DNAJC1: variants seen among roughly 807,000 people sequenced by gnomAD.
DNAJC1 encodes the protein dnaJ homolog subfamily C member 1.
A neutral mutation model predicts 76.6 loss-of-function variants in DNAJC1; 58 were observed. The ratio of observed to expected loss-of-function variants is 0.76; its 90% confidence interval spans 0.61 to 0.94. The LOEUF is 0.94. Ranked by LOEUF, DNAJC1 falls within the 40% of genes least tolerant of loss-of-function variation. The pLI is 0.00. For missense variants in DNAJC1, 689 were observed against 677.3 expected (o/e 1.02, Z -0.19); for synonymous variants, 258 against 267.9 (o/e 0.96, Z 0.36).
chr10:21,795,203 T>A (rs924729842), intron 9 of DNAJC1, among the ~76,000 whole-genome samples: 3 of 152,202 alleles, frequency 2.0e-5, no homozygotes, highest in African/African-American at 7.2e-5. Flanking sequence ...AGATTAATGT[T>A]CATGGCAGTA....
Position 21,857,874 on chromosome 10 carries a change from C to A in DNAJC1, c.978+24408G>T, listed in dbSNP as rs773854022. Among the ~76,000 whole-genome samples the A allele has an allele frequency of 8.9e-3, 1,258 of 141,092 alleles. 8 individuals carry two copies. Among genetic ancestry groups the A allele is most frequent in the African/African-American group, 0.022 (846 of 38,598 alleles). The allele number at this position is 141,092 out of a possible 152,430, so 92.6% of individuals were successfully genotyped here. On this transcript the variant is annotated intron_variant, in intron 8 of 11. Coordinates refer to ENST00000376980, the MANE Select transcript of DNAJC1 (RefSeq NM_022365.4). ...CGTCTCAAAAAAACAAACAAACAAA[C>A]AAAAAAAAAAACCGGGTATGTTTGT...
intron 8 of DNAJC1, among the ~76,000 whole-genome samples, chr10:21,855,937 TA>T (rs1286814755): frequency 2.6e-5 from 4 of 152,166 alleles, no homozygotes; most frequent in African/African-American, 9.7e-5. Flanking sequence ...GATGACTTCA[TA>T]AGACAGACAG....
chr10:21,822,393 C>T (rs1427931245), intron 8 of DNAJC1, among the ~76,000 whole-genome samples: 2 of 151,860 alleles, frequency 1.3e-5, no homozygotes, highest in Admixed American at 1.3e-4. Context: ...GAGCTGAGAT[C>T]GCGCCACTGC....
chr10:21,970,517 T>C (rs1246023856), intron 1 of DNAJC1, among the ~76,000 whole-genome samples: 2 of 152,058 alleles, frequency 1.3e-5, no homozygotes, highest in African/African-American at 2.4e-5. Flanking sequence ...ATTTGAAATT[T>C]ATCAAGAGGG....
chr10:21,817,273 T>G (rs1335888668), intron 8 of DNAJC1, among the ~76,000 whole-genome samples: 1 of 152,052 alleles, frequency 6.6e-6, no homozygotes, highest in Non-Finnish European at 1.5e-5. Flanking sequence ...ATGCTAAAAT[T>G]TGTTTAAGAT....
chr10:21,931,350 G>A (rs181762115), intron 1 of DNAJC1, among the ~76,000 whole-genome samples: 24 of 152,084 alleles, frequency 1.6e-4, no homozygotes, highest in Non-Finnish European at 1.0e-4. Flanking sequence ...TTTTCCTCTT[G>A]AGAATCTATC....
At chr10:21,939,943 CAAA>C (rs374955734) in intron 1 of DNAJC1, among the ~76,000 whole-genome samples, 2 of 70,362 alleles carry the variant, frequency 2.8e-5, no homozygotes, top group African/African-American at 6.0e-5. Context: ...AAACCTCTCT[CAAA>C]AAAAAAAAAA....
At chr10:21,963,612 T>G (rs1837838668) in intron 1 of DNAJC1, among the ~76,000 whole-genome samples, 1 of 152,244 alleles carries the variant, frequency 6.6e-6, no homozygotes, top group Admixed American at 6.5e-5. Context: ...GCCTTACTTC[T>G]AAGTACTCAC....
intron 1 of DNAJC1, among the ~76,000 whole-genome samples, chr10:21,937,278 A>C (rs1476091512): frequency 1.3e-5 from 2 of 152,176 alleles, no homozygotes; most frequent in African/African-American, 4.8e-5. Context: ...GGATGAAAAA[A>C]GATATTCCTT....
intron 10 of DNAJC1, among the ~76,000 whole-genome samples, chr10:21,763,084 C>G (rs932776955): frequency 4.6e-5 from 7 of 152,238 alleles, no homozygotes; most frequent in African/African-American, 1.7e-4. Flanking sequence ...GCATGGGCCA[C>G]AACACCCAAC....
rs869146572 is a variant in DNAJC1, at chr10:21,813,173, TCC to T, written c.979-7076_979-7075del. Among the ~76,000 whole-genome samples, 501 of 56,866 alleles carry T rather than the reference TCC, an allele frequency of 8.8e-3. 7 individuals carry two copies. Among genetic ancestry groups the T allele is most frequent in the Admixed American group, 0.019 (79 of 4,164 alleles). 37.3% of individuals were successfully genotyped at this position (56,866 alleles called of 152,430 possible). ...TTGTCTCTCTCTCTCTCTCTCTCTC[TCC>T]CTCTCTCTCTCTCTCTCTCTCTCTC... On this transcript the variant is annotated intron_variant, in intron 8 of 11. Transcript: ENST00000376980.
chr10:21,819,510 A>AT (rs1835123192), intron 8 of DNAJC1, among the ~76,000 whole-genome samples: 1 of 152,232 alleles, frequency 6.6e-6, no homozygotes, highest in Admixed American at 6.5e-5. Flanking sequence ...AATTTAAATT[A>AT]TAGAAGCTTA....
intron 1 of DNAJC1, among the ~76,000 whole-genome samples, chr10:21,974,670 T>C (rs1047763875): frequency 3.9e-5 from 6 of 152,332 alleles, no homozygotes; most frequent in African/African-American, 1.4e-4. Flanking sequence ...CTTCGTTACC[T>C]GCTGTTTGGA....
intron 1 of DNAJC1, among the ~76,000 whole-genome samples, chr10:21,959,892 T>C (rs1016271979): frequency 9.9e-5 from 15 of 151,876 alleles, no homozygotes; most frequent in African/African-American, 3.4e-4. Flanking sequence ...CTCCCAAAAA[T>C]TTTGGTGTCA....
At chr10:21,902,913 C>T (rs7082546) in intron 7 of DNAJC1, among the ~76,000 whole-genome samples, 5,241 of 151,912 alleles carry the variant, frequency 0.035, 157 homozygotes, top group African/African-American at 0.067. Context: ...AAATTTTGGA[C>T]TAATTTTATA....
intron 8 of DNAJC1, among the ~76,000 whole-genome samples, chr10:21,830,307 CTTAG>C: frequency 6.6e-6 from 1 of 152,290 alleles, no homozygotes; most frequent in South Asian, 2.1e-4. Context: ...ACTGCTAGGC[CTTAG>C]TTTGTTTGAA....
intron 1 of DNAJC1, among the ~76,000 whole-genome samples, chr10:21,953,727 T>C (rs1032807234): frequency 6.6e-6 from 1 of 151,238 alleles, no homozygotes; most frequent in African/African-American, 2.4e-5. Flanking sequence ...ACCTACGCTT[T>C]TGTTATTCAT....
intron 8 of DNAJC1, among the ~76,000 whole-genome samples, chr10:21,815,101 G>A (rs946857189): frequency 6.6e-5 from 10 of 152,156 alleles, no homozygotes; most frequent in African/African-American, 9.7e-5. Context: ...AACAGATGGC[G>A]CCAGACATGA....
chr10:21,781,129 GAC>G (rs1290887893), intron 9 of DNAJC1, among the ~76,000 whole-genome samples: 4 of 152,170 alleles, frequency 2.6e-5, no homozygotes, highest in Non-Finnish European at 5.9e-5. Context: ...GACTTAGACT[GAC>G]ACACAATAGT....
Sources: allele counts gnomAD v4.1 joint callset (sites outside exome capture counted in the v4.1 genomes callset), GRCh38; gene constraint gnomAD v4.1.1; transcripts MANE v1.5; gene names NCBI Gene and HGNC (gene_info 2026-07-23, HGNC 2026-07-21).